Variants in ZNF329 observed in about 807,000 individuals in gnomAD.
ZNF329 encodes zinc finger protein 329.
Under a neutral mutation model 26.6 loss-of-function variants are expected in ZNF329, and 15 were observed. That is an observed-to-expected ratio of 0.56 (90% CI 0.38 to 0.87). The LOEUF (loss-of-function observed/expected upper bound fraction) is 0.87. ZNF329 is among the 40% of genes least tolerant of loss of function. ZNF329 has a pLI of 0.00. For missense variants in ZNF329, 651 were observed against 651.9 expected (o/e 1.00, Z 0.02); for synonymous variants, 239 against 233.5 (o/e 1.02, Z -0.21).
In ZNF329 at chr19:58,127,519, C is replaced by T. The variant is rs964778588; in HGVS notation, c.*359G>A. 5.7e-5 allele frequency: 11 copies of T among 191,740 alleles called. No homozygotes were observed. Among genetic ancestry groups the T allele is most frequent in the Non-Finnish European group, 8.5e-5 (8 of 94,530 alleles). 11.9% of individuals were successfully genotyped at this position (191,740 alleles called of 1,614,324 possible). A position where few individuals can be genotyped will look rare whatever the true frequency, so the allele number is the denominator to read the frequency against. On this transcript the variant is annotated 3_prime_UTR_variant, in exon 4 of 4. Coordinates refer to ENST00000598312, the MANE Select transcript of ZNF329 (RefSeq NM_024620.4). Reference sequence around the variant, plus strand: ...AAAAAGTTGATTCAGTGTTTGCTTACGTACAAGGTGGAAACTCCCTACTAC... The same window carrying T: ...AAAAAGTTGATTCAGTGTTTGCTTATGTACAAGGTGGAAACTCCCTACTAC...
Position 58,128,281 on chromosome 19 carries a change from A to C in ZNF329, c.1223T>G (p.Phe408Cys). ...CCTGATGAGGTACGCACTCTCGATG[A>C]AAGTCTTGCCACATTCTTTACATTC... ...PYECKECGKT[F>C]IESAYLIRHQ... The change falls in exon 4 of 4, where the codon TTC (phenylalanine) becomes TGC (cysteine). Residue 408 changes from phenylalanine (F) to cysteine (C), a missense_variant. Coordinates refer to ENST00000598312, the MANE Select transcript of ZNF329 (RefSeq NM_024620.4). 6.2e-7 allele frequency: 1 copy of C among 1,611,632 alleles called. No homozygotes were observed. The highest frequency in any genetic ancestry group is 8.5e-7 in the Non-Finnish European group (1 of 1,178,584).
At chr19:58,147,995 C>T (rs3953740) in intron 1 of ZNF329, among the ~76,000 whole-genome samples, 31,691 of 151,978 alleles carry the variant, frequency 0.21, 3,683 homozygotes, top group Non-Finnish European at 0.27. Flanking sequence ...GGATGGTTGC[C>T]GTGTCTGTGC....
Position 58,128,937 on chromosome 19 carries a change from C to A in ZNF329, c.567G>T (p.Ser189=). The change falls in exon 4 of 4, where the codon TCG becomes TCT. Residue 189 remains serine, a synonymous_variant. Coordinates refer to ENST00000598312, the MANE Select transcript of ZNF329 (RefSeq NM_024620.4). ...NFENIFTLSS[S]LNENQRNLPG... ...GGAGATTTCTCTGGTTTTCATTAAG[C>A]GATGAGCTCAGAGTAAAGATGTTCT... The A allele has an allele frequency of 5.0e-6, 8 of 1,614,024 alleles. No individual in the cohort carries two copies. The highest frequency in any genetic ancestry group is 5.9e-6 in the Non-Finnish European group (7 of 1,180,006).
At position 58,128,687 on chromosome 19, in the gene ZNF329, C is replaced by T. The variant is rs373349008; in HGVS notation, c.817G>A (p.Ala273Thr). ...TGAATTCTCTGGTGCTGTGTCAGAG[C>T]TGAGCCATCACTGAAAGCTTTCCCA... ...KCGKAFSDGS[A>T]LTQHQRIHTG... The change falls in exon 4 of 4, where the codon GCT becomes ACT. Residue 273 changes from alanine to threonine, a missense_variant. Ala to Thr is a moderately conservative substitution (Grantham distance 58, BLOSUM62 0). Coordinates refer to ENST00000598312, the MANE Select transcript of ZNF329 (RefSeq NM_024620.4). 1.2e-6 allele frequency: 2 copies of T among 1,605,496 alleles called. No individual in the cohort carries two copies. The highest frequency in any genetic ancestry group is 1.7e-6 in the Non-Finnish European group (2 of 1,175,888).
chr19:58,137,708 A>C (rs1412790059), intron 3 of ZNF329, among the ~76,000 whole-genome samples: 1 of 151,738 alleles, frequency 6.6e-6, no homozygotes, highest in Non-Finnish European at 1.5e-5. Flanking sequence ...TCATACCTGT[A>C]ATCCCAACAC....
chr19:58,140,407 ACT>A (rs1469019200), intron 3 of ZNF329, among the ~76,000 whole-genome samples: 1 of 138,534 alleles, frequency 7.2e-6, no homozygotes, highest in Non-Finnish European at 1.5e-5. Context: ...CAACTATAAA[ACT>A]CTTTCTTTTT....
At chr19:58,139,546 G>A (rs1015194298) in intron 3 of ZNF329, among the ~76,000 whole-genome samples, 56 of 152,118 alleles carry the variant, frequency 3.7e-4, no homozygotes, top group African/African-American at 1.3e-3. Context: ...CAGGAAGCAG[G>A]AGCTCCTGAG....
chr19:58,147,381 G>A (rs1014596959), intron 1 of ZNF329, among the ~76,000 whole-genome samples: 5 of 150,722 alleles, frequency 3.3e-5, no homozygotes, highest in Non-Finnish European at 7.4e-5. Flanking sequence ...GAAGTGAGGA[G>A]CGTCTCCGCC....
At chr19:58,146,910 C>T (rs1030234326) in intron 1 of ZNF329, among the ~76,000 whole-genome samples, 39 of 151,988 alleles carry the variant, frequency 2.6e-4, no homozygotes, top group Non-Finnish European at 4.9e-4. Flanking sequence ...ACAACCTCCA[C>T]CTCCCAGCCA....
chr19:58,133,080 G>C (rs2074984591), intron 3 of ZNF329, among the ~76,000 whole-genome samples: 1 of 152,196 alleles, frequency 6.6e-6, no homozygotes, highest in Non-Finnish European at 1.5e-5. Context: ...CCAGAGTGCT[G>C]GGATTACAGG....
At chr19:58,143,604 C>T (rs1168989407) in intron 1 of ZNF329, among the ~76,000 whole-genome samples, 1 of 152,174 alleles carries the variant, frequency 6.6e-6, no homozygotes, top group Non-Finnish European at 1.5e-5. Flanking sequence ...CCCAAACAGA[C>T]TTGGAGGCAT....
chr19:58,144,396 A>ATTTTTTT (rs367570171), intron 1 of ZNF329, among the ~76,000 whole-genome samples: 1,344 of 127,612 alleles, frequency 0.011, 45 homozygotes, highest in African/African-American at 0.038. Flanking sequence ...ATATATATAT[A>ATTTTTTT]TTTTTTTTTT....
chr19:58,143,913 T>C (rs1281445774), intron 1 of ZNF329, among the ~76,000 whole-genome samples: 1 of 151,728 alleles, frequency 6.6e-6, no homozygotes, highest in Admixed American at 6.6e-5. Context: ...AAACCCTGTC[T>C]CTACTAGAAA....
upstream of ZNF329, among the ~76,000 whole-genome samples, chr19:58,153,939 G>A (rs2075500815): frequency 1.3e-5 from 2 of 151,176 alleles, no homozygotes; most frequent in South Asian, 4.2e-4. Context: ...CAGGGCTCAA[G>A]TAATCCTCAG....
At chr19:58,150,405 A>C (rs2075423640) in intron 1 of ZNF329, among the ~76,000 whole-genome samples, 1 of 152,210 alleles carries the variant, frequency 6.6e-6, no homozygotes, top group Non-Finnish European at 1.5e-5. Flanking sequence ...CAGGACACCC[A>C]GCAGGCGTGG....
upstream of ZNF329, among the ~76,000 whole-genome samples, chr19:58,152,770 T>C (rs1469685130): frequency 6.6e-6 from 1 of 151,994 alleles, no homozygotes; most frequent in Non-Finnish European, 1.5e-5. Flanking sequence ...GGCAGGAGAA[T>C]TGCCTGAATC....
chr19:58,144,390 A>C lies in ZNF329; in HGVS notation c.-207-1192T>G, dbSNP rs1414009841. Among the ~76,000 whole-genome samples, 114 of 82,150 alleles carry C rather than the reference A, an allele frequency of 1.4e-3. 1 individual carries two copies. The highest frequency in any genetic ancestry group is 5.4e-3 in the African/African-American group (108 of 19,884). 53.9% of individuals were successfully genotyped at this position (82,150 alleles called of 152,430 possible). ...TATCTATCTATCTATCTATATATAT[A>C]TATATATTTTTTTTTTGAGACGGAG... is the stretch of plus-strand genomic sequence containing the variant. On this transcript the variant is annotated intron_variant, in intron 1 of 3. Coordinates refer to ENST00000598312, the MANE Select transcript of ZNF329 (RefSeq NM_024620.4).
intron 3 of ZNF329, among the ~76,000 whole-genome samples, chr19:58,141,197 T>C (rs2075178688): frequency 1.3e-5 from 2 of 150,194 alleles, no homozygotes; most frequent in Non-Finnish European, 3.0e-5. Context: ...GGTCTCACTA[T>C]ATGGGCCAGG....
At chr19:58,142,502 C>G (rs1343049916) in intron 3 of ZNF329, 55 bp downstream of exon 3, 1 of 152,656 alleles carries the variant, frequency 6.6e-6, no homozygotes, top group Non-Finnish European at 1.5e-5. Flanking sequence ...AAGGAAATAA[C>G]AGTCCTTGCA....
Sources: gnomAD v4.1 joint callset for allele counts (sites outside exome capture counted in the v4.1 genomes callset) on GRCh38, gnomAD v4.1.1 for gene constraint, MANE v1.5 for transcripts, NCBI Gene and HGNC (gene_info 2026-07-23, HGNC 2026-07-21) for gene names.